The following OR7E24 variants were observed in gnomAD, a reference collection of about 807,000 sequenced individuals.
OR7E24 encodes the protein olfactory receptor family 7 subfamily E member 24, also known as olfactory receptor 7E24.
For missense variants in OR7E24, 385 were observed against 410.3 expected (o/e 0.94, Z 0.53); for synonymous variants, 130 against 157.5 (o/e 0.83, Z 1.31).
chr19:9,220,388 T>TC, the OR7E24 span, among the ~76,000 whole-genome samples: 1 of 152,178 alleles, frequency 6.6e-6, no homozygotes, highest in South Asian at 2.1e-4. Flanking sequence ...TAACCAACAT[T>TC]CTACTTCTTT....
At chr19:9,250,008 TCATCCA>T (rs2066140764), upstream of OR7E24, among the ~76,000 whole-genome samples, 1 of 152,156 alleles carries the variant, frequency 6.6e-6, no homozygotes, top group Non-Finnish European at 1.5e-5. Flanking sequence ...TAATGTTCTG[TCATCCA>T]CAGGTACGTT....
chr19:9,206,855 T>G, the OR7E24 span: 4 of 152,224 alleles, frequency 2.6e-5, no homozygotes, highest in Non-Finnish European at 4.4e-5. Flanking sequence ...TCACGAGCCC[T>G]CAACCTTGGC....
the OR7E24 span, among the ~76,000 whole-genome samples, chr19:9,233,207 T>C: frequency 6.6e-6 from 1 of 152,242 alleles, no homozygotes; most frequent in African/African-American, 2.4e-5. Flanking sequence ...TCGTCTTCTA[T>C]GATGTTTTTC....
the OR7E24 span, chr19:9,206,535 A>T: frequency 2.6e-5 from 4 of 152,192 alleles, no homozygotes; most frequent in Non-Finnish European, 5.9e-5. Flanking sequence ...CCCTGTTTTT[A>T]TATATAAGAA....
At chr19:9,237,752 C>A in the OR7E24 span, among the ~76,000 whole-genome samples, 1 of 152,140 alleles carries the variant, frequency 6.6e-6, no homozygotes, top group Non-Finnish European at 1.5e-5. Flanking sequence ...CTTTGGGCTA[C>A]TGTAAATAGT....
Position 9,252,318 on chromosome 19 carries a change from C to A in OR7E24, c.*255C>A. On this transcript the variant is annotated 3_prime_UTR_variant, in exon 1 of 1. Transcript: ENST00000456448. ...CTTGATATCCAGGTGCAATCACAAT[C>A]TTTTCTGATAGACTTGAAATCCTCA... 3.7e-6 allele frequency: 1 copy of A among 268,868 alleles called. No homozygotes were observed. The allele number at this position is 268,868 out of a possible 1,614,324, so 16.7% of individuals were successfully genotyped here. A position where few individuals can be genotyped will look rare whatever the true frequency, so the allele number is the denominator to read the frequency against.
chr19:9,245,193 T>C (rs2066125788), upstream of OR7E24, among the ~76,000 whole-genome samples: 1 of 151,632 alleles, frequency 6.6e-6, no homozygotes, highest in African/African-American at 2.4e-5. Flanking sequence ...CCAGCCTGGG[T>C]GACAGAGCAA....
the OR7E24 span, chr19:9,236,080 T>G: frequency 6.8e-7 from 1 of 1,460,648 alleles, no homozygotes; most frequent in Non-Finnish European, 9.6e-7. Context: ...CTCTTGTCTC[T>G]TACGGTACAC....
the OR7E24 span, among the ~76,000 whole-genome samples, chr19:9,221,340 C>CCTTTTTTTTTTTTTTTTTTTTT: frequency 2.5e-5 from 2 of 81,180 alleles, no homozygotes; most frequent in Non-Finnish European, 2.1e-5. Context: ...GTCTTTTGCC[C>CCTTTTTTTTTTTTTTTTTTTTT]TTTTTTTTTT....
the OR7E24 span, chr19:9,214,737 A>T: frequency 8.7e-6 from 14 of 1,613,968 alleles, no homozygotes; most frequent in African/African-American, 2.7e-5. Context: ...GACCAGGTAC[A>T]TGGACAGGAA....
chr19:9,214,145 G>A, the OR7E24 span: 22 of 1,613,890 alleles, frequency 1.4e-5, no homozygotes, highest in Non-Finnish European at 1.9e-5. Flanking sequence ...ACTTGCCCTT[G>A]GTGGAGGACA....
the OR7E24 span, chr19:9,206,895 A>G: frequency 2.6e-5 from 4 of 152,208 alleles, no homozygotes; most frequent in African/African-American, 4.8e-5. Context: ...GGAGCTTACA[A>G]ATGATGATGG....
the OR7E24 span, among the ~76,000 whole-genome samples, chr19:9,217,255 A>G: frequency 1.3e-5 from 2 of 152,354 alleles, no homozygotes; most frequent in African/African-American, 4.8e-5. Context: ...TATCAGGGCA[A>G]TGAATTGCCA....
the OR7E24 span, among the ~76,000 whole-genome samples, chr19:9,232,619 G>A: frequency 6.6e-6 from 1 of 150,584 alleles, no homozygotes; most frequent in Middle Eastern, 3.2e-3. Context: ...TGTGCCCTGT[G>A]TAAATCAGAC....
Position 9,251,692 on chromosome 19 carries a change from A to G in OR7E24, c.649A>G (p.Ile217Val). The G allele has an allele frequency of 6.2e-7, 1 of 1,613,728 alleles. No homozygotes were observed. The highest frequency in any genetic ancestry group is 1.1e-5 in the South Asian group (1 of 91,066). ...CGACACCTTCATCAATGAAATGGTC[A>G]TATATTTCATGGGTGCCATATTTGG... ...CSDTFINEMV[I>V]YFMGAIFGCL... is the part of the protein sequence containing the mutation. The change falls in exon 1 of 1, where the codon ATA (isoleucine) becomes GTA (valine). Residue 217 changes from isoleucine (I) to valine (V), a missense_variant. Ile to Val is a conservative substitution (Grantham distance 29, BLOSUM62 3). Coordinates refer to ENST00000456448, the MANE Select transcript of OR7E24 (RefSeq NM_001079935.2).
chr19:9,216,329 T>G, the OR7E24 span, among the ~76,000 whole-genome samples: 2 of 152,158 alleles, frequency 1.3e-5, no homozygotes, highest in Non-Finnish European at 2.9e-5. Flanking sequence ...GCACTGAAAT[T>G]CCACATTTCT....
chr19:9,244,830 C>CAT (rs949533295), upstream of OR7E24, among the ~76,000 whole-genome samples: 21 of 151,966 alleles, frequency 1.4e-4, no homozygotes, highest in African/African-American at 5.1e-4. Context: ...ATCTGTAAAT[C>CAT]ATATATATAT....
chr19:9,250,937 G>C lies in OR7E24; in HGVS notation c.-107G>C, dbSNP rs957120939. On this transcript the variant is annotated 5_prime_UTR_variant, in exon 1 of 1. Transcript: ENST00000456448. ...AAGTAACTCTAAGGAAATTGGGTTT[G>C]TCACAACTGAGAACTATTGCTGAGG... The C allele has an allele frequency of 4.8e-6, 4 of 836,648 alleles. No individual in the cohort carries two copies. In the South Asian group the frequency reaches 7.6e-5, roughly 16 times the overall value. The allele number at this position is 836,648 out of a possible 1,614,324, so 51.8% of individuals were successfully genotyped here. A position where few individuals can be genotyped will look rare whatever the true frequency, so the allele number is the denominator to read the frequency against.
Position 9,251,535 on chromosome 19 carries a change from G to A in OR7E24, c.492G>A (p.Leu164=). 1 of 1,613,974 alleles carries A rather than the reference G, an allele frequency of 6.2e-7. No homozygotes were observed. The highest frequency in any genetic ancestry group is 8.5e-7 in the Non-Finnish European group (1 of 1,179,992). ...MNPRLCGFLI[L]LSFFISLLDS... ...CACGCCTCTGTGGCTTCTTAATCTT[G>A]TTGTCTTTTTTTATTAGTCTTTTGG... The change falls in exon 1 of 1, where the codon TTG becomes TTA. Residue 164 remains leucine (L), a synonymous_variant. Coordinates refer to ENST00000456448, the MANE Select transcript of OR7E24 (RefSeq NM_001079935.2).
Sources: allele counts gnomAD v4.1 joint callset (sites outside exome capture counted in the v4.1 genomes callset), GRCh38; gene constraint gnomAD v4.1.1; transcripts MANE v1.5; gene names NCBI Gene and HGNC (gene_info 2026-07-23, HGNC 2026-07-21).